Variants in LILRA5 observed in about 807,000 individuals in gnomAD.
LILRA5 encodes leukocyte immunoglobulin-like receptor subfamily A member 5.
LILRA5 carries 31 observed loss-of-function variants against 36.3 expected under a neutral mutation model. The ratio of observed to expected loss-of-function variants is 0.85; its 90% CI spans 0.64 to 1.15. LILRA5 has a LOEUF of 1.15. LILRA5 is among the 50% of genes most tolerant of loss of function. The pLI, the probability that LILRA5 is intolerant of heterozygous loss-of-function variation, is 0.00. For missense variants in LILRA5, 348 were observed against 377.4 expected, an observed-to-expected ratio of 0.92 and a Z score of 0.64; for synonymous variants, 144 against 144.8, an observed-to-expected ratio of 0.99 and a Z score of 0.04.
At chr19:54,312,420 C>T (rs1221632615) in intron 2 of LILRA5, 50 bp from the exon 3 acceptor site, 17 of 1,614,084 alleles carry the variant, frequency 1.1e-5, no homozygotes, top group Non-Finnish European at 1.4e-5. Flanking sequence ...CTGAGCAGGT[C>T]CTCCCCTGCC....
intron 5 of LILRA5, chr19:54,309,408 T>C (rs1397649574): frequency 2.0e-5 from 3 of 152,166 alleles, no homozygotes; most frequent in Non-Finnish European, 2.9e-5. Flanking sequence ...GAGCTTGCAG[T>C]GAGCCGAGAT....
At chr19:54,309,254 G>A (rs2080960879) in intron 5 of LILRA5, 2 of 152,144 alleles carry the variant, frequency 1.3e-5, no homozygotes, top group Admixed American at 1.3e-4. Context: ...CACGAGGTCA[G>A]GAGATCGAGA....
intron 5 of LILRA5, chr19:54,308,568 A>C (rs918709965): frequency 6.6e-6 from 1 of 151,248 alleles, no homozygotes; most frequent in African/African-American, 2.4e-5. Context: ...CTCTACTAAA[A>C]ATAAAAAAAT....
chr19:54,310,789 G>T, intron 5 of LILRA5: 1 of 262,174 alleles, frequency 3.8e-6, no homozygotes, highest in African/African-American at 2.3e-5. Context: ...GCCAACATCA[G>T]AGTGATACTG....
chr19:54,307,522 T>C lies in LILRA5; in HGVS notation c.791A>G (p.Glu264Gly). 1.9e-6 allele frequency: 3 copies of C among 1,614,058 alleles called. No homozygotes were observed. In the South Asian group the frequency reaches 3.3e-5, roughly 18 times the overall value. ...GGCCATGCCCATGCGGATGAGATTC[T>C]CTACTGCGTAATCCTGAAGGTGTGA... ...TASHLQDYAV[E>G]NLIRMGMAGL... Residue 264 changes from glutamate (E) to glycine (G), a missense_variant, in exon 7 of 7, where the codon GAG (glutamate) becomes GGG (glycine). Coordinates refer to ENST00000432233, the MANE Select transcript of LILRA5 (RefSeq NM_021250.4).
rs2080930100 is a variant in LILRA5 at position 54,308,353 on chromosome 19, A to AT, written c.713-606_713-605insA. The stretch of plus-strand genomic sequence containing the variant: ...TGTGTGTGTATATATATGTATATAT[A>AT]AATATATATATATATATATATATAT... On this transcript the variant is annotated intron_variant, in intron 5 of 6. Transcript: ENST00000432233. The AT allele has an allele frequency of 4.1e-3, 30 of 7,296 alleles. 1 individual carries two copies. Among genetic ancestry groups the AT allele is most frequent in the Non-Finnish European group, 7.3e-3 (30 of 4,120 alleles). 0.5% of individuals were successfully genotyped at this position (7,296 alleles called of 1,614,324 possible).
chr19:54,307,366 C>G lies in LILRA5; in HGVS notation c.*47G>C, dbSNP rs200518562. On this transcript the variant is annotated 3_prime_UTR_variant, in exon 7 of 7. Transcript: ENST00000432233. ...CCGAACCTCCTAGGACCATCAGATTCGCTTCCAAGGCTCCAGCATTCAATG... is the reference window on the plus strand; with the variant it reads ...CCGAACCTCCTAGGACCATCAGATTGGCTTCCAAGGCTCCAGCATTCAATG... The G allele has an allele frequency of 6.4e-7, 1 of 1,560,672 alleles. No individual in the cohort carries two copies. Among genetic ancestry groups the G allele is most frequent in the African/African-American group, 1.4e-5 (1 of 73,622 alleles).
At position 54,307,734 on chromosome 19, in the gene LILRA5, G is replaced by GGTTA; in HGVS notation, c.723_726dup (p.Leu243Ter). ...TCAGACTTGTTTTGTGACGGACTGAGGTTATCAGCTGCTCCTGAAAATCAA... is the reference window on the plus strand; with the variant it reads ...TCAGACTTGTTTTGTGACGGACTGAGGTTAGTTATCAGCTGCTCCTGAAAATCAA... On this transcript the variant is annotated stop_gained and frameshift_variant, in exon 6 of 7. Transcript: ENST00000432233. LOFTEE classifies it high-confidence loss of function. The GGTTA allele has an allele frequency of 6.2e-7, 1 of 1,614,122 alleles. No homozygotes were observed. Among genetic ancestry groups the GGTTA allele is most frequent in the South Asian group, 1.1e-5 (1 of 91,080 alleles).
Position 54,313,117 on chromosome 19 carries a change from G to T in LILRA5, c.-98C>A. On this transcript the variant is annotated 5_prime_UTR_variant, in exon 1 of 7. Coordinates refer to ENST00000432233, the MANE Select transcript of LILRA5 (RefSeq NM_021250.4). The stretch of plus-strand genomic sequence containing the variant: ...GCAGAGACACATCTGACACCTGGCT[G>T]TGTAGCCCAGGCTGAGCTGCATGTG... 7.3e-7 allele frequency: 1 copy of T among 1,372,996 alleles called. No individual in the cohort carries two copies. Among genetic ancestry groups the T allele is most frequent in the Non-Finnish European group, 1.0e-6 (1 of 967,746 alleles). 85.1% of individuals were successfully genotyped at this position (1,372,996 alleles called of 1,614,324 possible).
At chr19:54,312,191 C>G in intron 3 of LILRA5, 43 bp from the exon 4 acceptor site, 1 of 1,611,054 alleles carries the variant, frequency 6.2e-7, no homozygotes, top group Admixed American at 1.7e-5. Flanking sequence ...CTCCCCACCC[C>G]TCAGATCCCA....
intron 5 of LILRA5, chr19:54,308,345 G>GTGTA (rs2080928302): frequency 1.2e-4 from 9 of 73,334 alleles, no homozygotes; most frequent in Non-Finnish European, 2.3e-4. Flanking sequence ...GTATATATAT[G>GTGTA]TATATATAAA....
intron 6 of LILRA5, 69 bp downstream of exon 6, chr19:54,307,629 A>G: frequency 6.2e-7 from 1 of 1,611,972 alleles, no homozygotes; most frequent in Non-Finnish European, 8.5e-7. Flanking sequence ...TCCCCAGGGC[A>G]CCCATATCAT....
At position 54,311,341 on chromosome 19, in the gene LILRA5, C is replaced by T. The variant is rs1392680048; in HGVS notation, c.712+73G>A. On this transcript the variant is annotated intron_variant, in intron 5 of 6. Coordinates refer to ENST00000432233, the MANE Select transcript of LILRA5 (RefSeq NM_021250.4). ...TTTTTGTCTTTCTTAGCAGGGGCTGCCCTGCCTGTAAAGCTCTCCACAACC... is the reference window on the plus strand; with the variant it reads ...TTTTTGTCTTTCTTAGCAGGGGCTGTCCTGCCTGTAAAGCTCTCCACAACC... The T allele has an allele frequency of 4.3e-6, 7 of 1,613,578 alleles. No homozygotes were observed. The South Asian group carries it at 6.6e-5, about 15-fold the overall frequency.
At position 54,311,457 on chromosome 19, in the gene LILRA5, C is replaced by G; in HGVS notation, c.669G>C (p.Gln223His). The change falls in exon 5 of 7, where the codon CAG becomes CAC. Residue 223 changes from glutamine (Q) to histidine (H), a missense_variant. Coordinates refer to ENST00000432233, the MANE Select transcript of LILRA5 (RefSeq NM_021250.4). ...GGAGGTCACTGGGTTCTGACCATAC[C>G]TGCAGGATATGCCTGCGAGAGCCAT... The part of the protein sequence containing the change: ...RCYGSRRHIL[Q>H]VWSEPSDLLE... The G allele has an allele frequency of 2.5e-6, 4 of 1,614,126 alleles. No homozygotes were observed. Among genetic ancestry groups the G allele is most frequent in the Non-Finnish European group, 3.4e-6 (4 of 1,180,006 alleles).
At chr19:54,309,999 G>A (rs945455749) in intron 5 of LILRA5, 5 of 306,854 alleles carry the variant, frequency 1.6e-5, no homozygotes, top group East Asian at 1.4e-4. Context: ...CAGCTGGGGC[G>A]CTTCTCTCTA....
chr19:54,308,739 AC>A (rs1331820660), intron 5 of LILRA5: 1 of 152,024 alleles, frequency 6.6e-6, no homozygotes, highest in Non-Finnish European at 1.5e-5. Context: ...AAACAAACAA[AC>A]AAAAATTTCT....
In LILRA5 at chr19:54,312,080, T is replaced by C. The variant is rs1041375475; in HGVS notation, c.193A>G (p.Ile65Val). 2 of 1,614,006 alleles carry C rather than the reference T, an allele frequency of 1.2e-6. No homozygotes were observed. The highest frequency in any genetic ancestry group is 2.7e-5 in the African/African-American group (2 of 74,894). Residue 65 changes from isoleucine (I) to valine (V), a missense_variant, in exon 4 of 7, where the codon ATC becomes GTC. By Grantham distance (29) the Ile-to-Val change is conservative. Coordinates refer to ENST00000432233, the MANE Select transcript of LILRA5 (RefSeq NM_021250.4). ...GCCTCCAGGGTCCCCTGACACCGGA[T>C]GGTCACAGAGTTCCCCCGGCTGATC... ...SVISRGNSVTIRCQGTLEAQE... is the reference protein window; with the variant it reads ...SVISRGNSVTVRCQGTLEAQE...
chr19:54,311,315 C>T (rs1359294662), intron 5 of LILRA5, 99 bp downstream of exon 5: 2 of 1,611,058 alleles, frequency 1.2e-6, no homozygotes, highest in South Asian at 1.1e-5. Context: ...TCTCCTTCCC[C>T]TTTTTGTCTT....
At position 54,307,362 on chromosome 19, in the gene LILRA5, G is replaced by A. The variant is rs535382547; in HGVS notation, c.*51C>T. 2.1e-4 allele frequency: 334 copies of A among 1,558,618 alleles called. 4 individuals are homozygous for A. The South Asian group carries it at 3.7e-3, about 17-fold the overall frequency. ...CTTCCCGAACCTCCTAGGACCATCA[G>A]ATTCGCTTCCAAGGCTCCAGCATTC... On this transcript the variant is annotated 3_prime_UTR_variant, in exon 7 of 7. Transcript: ENST00000432233.
Sources: allele counts gnomAD v4.1 joint callset, GRCh38; gene constraint gnomAD v4.1.1; transcripts MANE v1.5; gene names NCBI Gene and HGNC (gene_info 2026-07-23, HGNC 2026-07-21).